The following MACROH2A1 variants were observed in gnomAD, a reference collection of about 807,000 sequenced individuals.
MACROH2A1 encodes the protein core histone macro-H2A.1.
MACROH2A1 carries 2 observed loss-of-function variants against 31.6 expected under a neutral mutation model. The observed-to-expected ratio is 0.06, with a 90% CI of 0.03 to 0.20. The LOEUF is 0.20. MACROH2A1 is among the 10% of genes least tolerant of loss of function. The pLI, the probability that MACROH2A1 is intolerant of heterozygous loss-of-function variation, is 1.00. For missense variants in MACROH2A1, 230 were observed against 474.0 expected (o/e 0.49, Z 4.78); for synonymous variants, 169 against 189.6 (o/e 0.89, Z 0.89).
At chr5:135,346,808 T>C (rs943114561) in intron 6 of MACROH2A1, 1 of 152,208 alleles carries the variant, frequency 6.6e-6, no homozygotes, top group Non-Finnish European at 1.5e-5. Context: ...CCAATGGAGA[T>C]TGGGAGCAAT....
intron 5 of MACROH2A1, chr5:135,354,819 T>G (rs1761978059): frequency 2.9e-6 from 1 of 340,620 alleles, no homozygotes; most frequent in Non-Finnish European, 5.8e-6. Flanking sequence ...GCAAATGCTA[T>G]TTACAAAAAC....
chr5:135,352,728 T>C (rs1002133996), intron 6 of MACROH2A1, among the ~76,000 whole-genome samples: 2 of 152,214 alleles, frequency 1.3e-5, no homozygotes, highest in East Asian at 1.9e-4. Context: ...GTATTTGCAA[T>C]TGAGGAGAGA....
chr5:135,393,987 C>T (rs553250014), intron 1 of MACROH2A1, among the ~76,000 whole-genome samples: 16 of 152,210 alleles, frequency 1.1e-4, no homozygotes, highest in East Asian at 3.9e-4. Flanking sequence ...AATCGAGATG[C>T]GACTGGAGCA....
intron 5 of MACROH2A1, chr5:135,358,080 T>A: frequency 1.0e-6 from 1 of 984,276 alleles, no homozygotes; most frequent in Non-Finnish European, 1.2e-6. Context: ...CAAGTCAAAA[T>A]TAATGTCTAT....
intron 6 of MACROH2A1, among the ~76,000 whole-genome samples, chr5:135,348,197 C>T (rs1474460212): frequency 6.6e-6 from 1 of 152,224 alleles, no homozygotes; most frequent in African/African-American, 2.4e-5. Context: ...TGTAGACACA[C>T]ATGTACTTTT....
intron 2 of MACROH2A1, among the ~76,000 whole-genome samples, chr5:135,375,820 TTCA>T (rs1222199336): frequency 6.6e-6 from 1 of 152,234 alleles, no homozygotes; most frequent in African/African-American, 2.4e-5. Flanking sequence ...TTTCTTTCGA[TTCA>T]TCATCCTTCC....
At chr5:135,340,647 T>C (rs1759674116) in intron 8 of MACROH2A1, among the ~76,000 whole-genome samples, 2 of 152,200 alleles carry the variant, frequency 1.3e-5, no homozygotes, top group Non-Finnish European at 2.9e-5. Flanking sequence ...GGGCCTCAGC[T>C]AAGAGAGTGA....
intron 5 of MACROH2A1, chr5:135,357,139 C>T (rs1417060431): frequency 2.0e-5 from 3 of 152,146 alleles, no homozygotes; most frequent in African/African-American, 7.2e-5. Flanking sequence ...GCATGCATGC[C>T]CAAGCTGGAT....
chr5:135,384,054 A>G (rs1766058782), intron 2 of MACROH2A1, among the ~76,000 whole-genome samples: 1 of 152,106 alleles, frequency 6.6e-6, no homozygotes, highest in South Asian at 2.1e-4. Context: ...GAGATTTGGG[A>G]CTTATTTTCA....
At chr5:135,346,329 T>C (rs1220979486) in intron 6 of MACROH2A1, 1 of 450,172 alleles carries the variant, frequency 2.2e-6, no homozygotes, top group Non-Finnish European at 4.1e-6. Context: ...GCCAGAGATG[T>C]GAAAGAGACA....
chr5:135,398,072 T>C lies in MACROH2A1; in HGVS notation c.-34+990A>G, dbSNP rs1768264221. ...CATTGTAATTGTTGAATTCAAGGTT[T>C]GTCCCAGTTGTTTGTACAGAAGTCT... is the stretch of plus-strand genomic sequence containing the variant. On this transcript the variant is annotated intron_variant, in intron 1 of 8. Coordinates refer to ENST00000511689, the MANE Select transcript of MACROH2A1 (RefSeq NM_138610.3). This position sits in a 1 kb window ranked among gnomAD's most constrained non-coding sequence, Gnocchi z 4.6. Among the ~76,000 whole-genome samples, 1 of 152,226 alleles carries C rather than the reference T, an allele frequency of 6.6e-6. No homozygotes were observed. The highest frequency in any genetic ancestry group is 1.5e-5 in the Non-Finnish European group (1 of 68,044).
At chr5:135,345,000 G>T (rs1760590819) in intron 7 of MACROH2A1, 1 of 152,226 alleles carries the variant, frequency 6.6e-6, no homozygotes, top group African/African-American at 2.4e-5. Context: ...AGCTGCCCCT[G>T]GCTAGGTAGT....
intron 5 of MACROH2A1, chr5:135,355,381 C>T (rs944360981): frequency 1.8e-5 from 7 of 389,722 alleles, no homozygotes; most frequent in African/African-American, 1.5e-4. Flanking sequence ...TGAGGATTTC[C>T]TGCCAACCAA....
chr5:135,384,342 ACAAT>A (rs1161634587), intron 2 of MACROH2A1, among the ~76,000 whole-genome samples: 6 of 152,258 alleles, frequency 3.9e-5, no homozygotes, highest in African/African-American at 1.2e-4. Context: ...TGGGATGAGG[ACAAT>A]CACTTTGTTA....
chr5:135,363,844 T>C (rs1386922998), intron 4 of MACROH2A1, among the ~76,000 whole-genome samples: 1 of 152,242 alleles, frequency 6.6e-6, no homozygotes, highest in Non-Finnish European at 1.5e-5. Flanking sequence ...TGTTGTTTCC[T>C]GACTTTTTAA....
intron 8 of MACROH2A1, among the ~76,000 whole-genome samples, chr5:135,341,263 A>ATG (rs1759802784): frequency 6.6e-6 from 1 of 152,190 alleles, no homozygotes; most frequent in Non-Finnish European, 1.5e-5. Context: ...CATTTAACCA[A>ATG]AGGTCACACA....
intron 2 of MACROH2A1, among the ~76,000 whole-genome samples, chr5:135,371,750 C>T (rs1764197658): frequency 6.6e-6 from 1 of 152,192 alleles, no homozygotes; most frequent in South Asian, 2.1e-4. Context: ...CTAGGCTACC[C>T]TTCTGGGCCC....
At chr5:135,346,406 GT>G in intron 6 of MACROH2A1, 1 of 252,618 alleles carries the variant, frequency 4.0e-6, no homozygotes, top group East Asian at 1.0e-4. Flanking sequence ...ATACTAGCTG[GT>G]ACTGGTTTCC....
intron 2 of MACROH2A1, among the ~76,000 whole-genome samples, chr5:135,388,139 A>G (rs535457355): frequency 2.6e-5 from 4 of 152,188 alleles, no homozygotes; most frequent in African/African-American, 9.6e-5. Context: ...AATTTTTTAA[A>G]TCACTATTTT....
Sources: allele counts gnomAD v4.1 joint callset (sites outside exome capture counted in the v4.1 genomes callset), GRCh38; gene constraint gnomAD v4.1.1; non-coding constraint Gnocchi (gnomAD v3.1); transcripts MANE v1.5; gene names NCBI Gene and HGNC (gene_info 2026-07-23, HGNC 2026-07-21).